Variants in RBMS1 observed in about 807,000 individuals in gnomAD.
RBMS1 encodes RNA binding motif single stranded interacting protein 1.
Under a neutral mutation model 62.3 loss-of-function variants are expected in RBMS1, and 17 were observed. The observed-to-expected ratio is 0.27, with a 90% CI of 0.19 to 0.41. The LOEUF (loss-of-function observed/expected upper bound fraction) is 0.41, where lower values mean the gene tolerates loss of function less well. Ranked by LOEUF, RBMS1 falls within the 10% of genes least tolerant of loss-of-function variation. The pLI, the probability that RBMS1 is intolerant of heterozygous loss-of-function variation, is 1.00. For missense variants in RBMS1, 334 were observed against 504.5 expected, an observed-to-expected ratio of 0.66 and a Z score of 3.24; for synonymous variants, 172 against 170.0, an observed-to-expected ratio of 1.01 and a Z score of -0.09.
At chr2:160,400,987 T>C (rs535473583) in intron 1 of RBMS1, among the ~76,000 whole-genome samples, 1 of 152,268 alleles carries the variant, frequency 6.6e-6, no homozygotes, top group African/African-American at 2.4e-5. Context: ...TAGGTTTCGT[T>C]TTGTTTTGTT....
chr2:160,466,752 A>C (rs902443642), intron 1 of RBMS1, among the ~76,000 whole-genome samples: 4 of 152,220 alleles, frequency 2.6e-5, no homozygotes, highest in Non-Finnish European at 5.9e-5. Flanking sequence ...AAACAAAAAC[A>C]AAAAGCTAAG....
At chr2:160,475,345 A>G (rs1685079840) in intron 1 of RBMS1, among the ~76,000 whole-genome samples, 1 of 152,008 alleles carries the variant, frequency 6.6e-6, no homozygotes, top group African/African-American at 2.4e-5. Flanking sequence ...CGGGCTTCCT[A>G]TTGGTTCCAA....
chr2:160,479,158 G>T (rs1360992034), intron 1 of RBMS1, among the ~76,000 whole-genome samples: 1 of 152,186 alleles, frequency 6.6e-6, no homozygotes, highest in Non-Finnish European at 1.5e-5. Flanking sequence ...AAAATTCCAG[G>T]CATGCTGAAA....
chr2:160,357,998 A>G (rs1294048797), intron 2 of RBMS1, among the ~76,000 whole-genome samples: 3 of 152,168 alleles, frequency 2.0e-5, no homozygotes, highest in African/African-American at 7.2e-5. Context: ...AGTACTGTAC[A>G]TAAAGTATTA....
At chr2:160,346,073 C>T (rs1692158099) in intron 2 of RBMS1, among the ~76,000 whole-genome samples, 1 of 152,094 alleles carries the variant, frequency 6.6e-6, no homozygotes, top group African/African-American at 2.4e-5. Context: ...TGGAAGCCTT[C>T]TCCGGTCTTT....
At chr2:160,384,196 C>T (rs1460522482) in intron 1 of RBMS1, among the ~76,000 whole-genome samples, 4 of 151,298 alleles carry the variant, frequency 2.6e-5, no homozygotes, top group Non-Finnish European at 5.9e-5. Context: ...GACTCTGTCT[C>T]AAAATAAATA....
At chr2:160,433,876 T>C (rs1683006667) in intron 1 of RBMS1, among the ~76,000 whole-genome samples, 1 of 152,264 alleles carries the variant, frequency 6.6e-6, no homozygotes, top group Non-Finnish European at 1.5e-5. Context: ...GTTTGGAATA[T>C]CTAGGAACAT....
At chr2:160,412,704 T>C (rs1696081096) in intron 1 of RBMS1, among the ~76,000 whole-genome samples, 1 of 152,186 alleles carries the variant, frequency 6.6e-6, no homozygotes, top group South Asian at 2.1e-4. Flanking sequence ...GAGATCAATA[T>C]TGGATATAAC....
At chr2:160,445,490 A>AAT (rs150458393) in intron 1 of RBMS1, among the ~76,000 whole-genome samples, 2,270 of 152,316 alleles carry the variant, frequency 0.015, 72 homozygotes, top group African/African-American at 0.052. Context: ...CAGTGAAAGG[A>AAT]ATTATCAGTG....
chr2:160,445,519 A>T (rs536595101), intron 1 of RBMS1, among the ~76,000 whole-genome samples: 1 of 152,316 alleles, frequency 6.6e-6, no homozygotes, highest in East Asian at 1.9e-4. Context: ...GTCTTTGTCA[A>T]CTCTAACATC....
chr2:160,282,736 T>C (rs1688169372), intron 9 of RBMS1: 2 of 157,488 alleles, frequency 1.3e-5, no homozygotes, highest in African/African-American at 4.8e-5. Context: ...TTAACCTCTT[T>C]AGGGTCATGG....
At chr2:160,279,424 T>C (rs1368116600) in intron 10 of RBMS1, 1 of 152,150 alleles carries the variant, frequency 6.6e-6, no homozygotes, top group African/African-American at 2.4e-5. Context: ...AATGTCAGGG[T>C]ACTACTGCCA....
chr2:160,465,888 A>ACACACACACACACTCT (rs569580064), intron 1 of RBMS1, among the ~76,000 whole-genome samples: 18 of 145,384 alleles, frequency 1.2e-4, no homozygotes, highest in Admixed American at 2.8e-4. Flanking sequence ...ACACACACAC[A>ACACACACACACACTCT]CTCTCACATT....
At chr2:160,301,765 C>A (rs1170494315) in intron 5 of RBMS1, among the ~76,000 whole-genome samples, 1 of 152,176 alleles carries the variant, frequency 6.6e-6, no homozygotes, top group Non-Finnish European at 1.5e-5. Flanking sequence ...CTAGCCCCTG[C>A]TTCATTATTT....
At chr2:160,368,113 T>C (rs1162249504) in intron 1 of RBMS1, among the ~76,000 whole-genome samples, 4 of 152,260 alleles carry the variant, frequency 2.6e-5, no homozygotes, top group East Asian at 3.9e-4. Flanking sequence ...ATGTCTGAAA[T>C]TGTACTCATA....
chr2:160,476,414 A>G (rs2105350704), intron 1 of RBMS1, among the ~76,000 whole-genome samples: 1 of 152,316 alleles, frequency 6.6e-6, no homozygotes, highest in East Asian at 1.9e-4. Context: ...TCATCACTAA[A>G]GAATTCTGTC....
intron 9 of RBMS1, chr2:160,283,766 G>A (rs1253638737): frequency 6.6e-6 from 1 of 152,032 alleles, no homozygotes; most frequent in East Asian, 1.9e-4. Flanking sequence ...TGATATGTGA[G>A]GTCCTTGGCT....
chr2:160,304,906 G>A (rs1389352657), intron 4 of RBMS1, among the ~76,000 whole-genome samples: 1 of 152,154 alleles, frequency 6.6e-6, no homozygotes, highest in Admixed American at 6.5e-5. Flanking sequence ...CCAGGATGGA[G>A]TGCAGTGGCG....
chr2:160,334,618 T>A (rs1414306212), intron 2 of RBMS1, among the ~76,000 whole-genome samples: 1 of 152,096 alleles, frequency 6.6e-6, no homozygotes, highest in Non-Finnish European at 1.5e-5. Flanking sequence ...AGTGACTATG[T>A]GTGTTAAGGA....
Sources: allele counts gnomAD v4.1 joint callset (sites outside exome capture counted in the v4.1 genomes callset), GRCh38; gene constraint gnomAD v4.1.1; transcripts MANE v1.5; gene names NCBI Gene and HGNC (gene_info 2026-07-23, HGNC 2026-07-21).